MFHAS1: variants seen among roughly 807,000 people sequenced by gnomAD.
MFHAS1 encodes malignant fibrous histiocytoma-amplified sequence 1.
Under a neutral mutation model 70.4 loss-of-function variants are expected in MFHAS1, and 50 were observed. The observed-to-expected ratio is 0.71, with a 90% CI of 0.57 to 0.90. The LOEUF (loss-of-function observed/expected upper bound fraction) is 0.90, where lower values mean the gene tolerates loss of function less well. MFHAS1 is among the 40% of genes least tolerant of loss of function. MFHAS1 has a pLI of 0.00. For synonymous variants in MFHAS1, 952 were observed against 620.0 expected (o/e 1.54, Z -7.96); for missense variants, 1,795 against 1,347.6 (o/e 1.33, Z -5.20).
At chr8:8,803,611 G>A (rs1806162834) in intron 1 of MFHAS1, among the ~76,000 whole-genome samples, 2 of 150,490 alleles carry the variant, frequency 1.3e-5, no homozygotes, top group Admixed American at 1.3e-4. Flanking sequence ...AAACAAAATA[G>A]TATAACAACT....
chr8:8,815,906 G>C (rs1451451742), intron 1 of MFHAS1, among the ~76,000 whole-genome samples: 1 of 152,196 alleles, frequency 6.6e-6, no homozygotes, highest in Non-Finnish European at 1.5e-5. Flanking sequence ...AGGAATACAA[G>C]TGTCCGTTAA....
At chr8:8,796,046 T>C (rs1215102610) in intron 2 of MFHAS1, among the ~76,000 whole-genome samples, 2 of 152,150 alleles carry the variant, frequency 1.3e-5, no homozygotes, top group Admixed American at 6.5e-5. Context: ...GTAACAGGCA[T>C]TTCATCTCAG....
At chr8:8,806,960 C>CA (rs377467491) in intron 1 of MFHAS1, among the ~76,000 whole-genome samples, 4,503 of 139,222 alleles carry the variant, frequency 0.032, 230 homozygotes, top group African/African-American at 0.11. Context: ...GACTCTGTCT[C>CA]AAAAAAAAAA....
intron 1 of MFHAS1, among the ~76,000 whole-genome samples, chr8:8,885,599 C>A (rs1809722926): frequency 6.6e-6 from 1 of 152,140 alleles, no homozygotes; most frequent in African/African-American, 2.4e-5. Context: ...TGCTCTAAGA[C>A]AAGTATACAG....
At chr8:8,845,170 A>T (rs1465369658) in intron 1 of MFHAS1, among the ~76,000 whole-genome samples, 1 of 152,224 alleles carries the variant, frequency 6.6e-6, no homozygotes, top group Non-Finnish European at 1.5e-5. Context: ...TGGATTTTTT[A>T]TGTTCTGCTT....
intron 1 of MFHAS1, among the ~76,000 whole-genome samples, chr8:8,862,921 C>T (rs907869089): frequency 6.6e-6 from 1 of 152,132 alleles, no homozygotes; most frequent in Non-Finnish European, 1.5e-5. Flanking sequence ...AATCTTTGCC[C>T]GTCTGAAGGT....
At chr8:8,820,210 C>G (rs897486291) in intron 1 of MFHAS1, among the ~76,000 whole-genome samples, 1 of 151,880 alleles carries the variant, frequency 6.6e-6, no homozygotes, top group Admixed American at 6.6e-5. Flanking sequence ...CCCTTACTCC[C>G]CCTTCCCAAG....
chr8:8,872,938 C>T lies in MFHAS1; in HGVS notation c.2998+17123G>A, dbSNP rs79872917. 3.3e-5 allele frequency among the ~76,000 whole-genome samples: 5 copies of T among 152,268 alleles called. No individual in the cohort carries two copies. In the East Asian group the frequency reaches 7.7e-4, roughly 23 times the overall value. On this transcript the variant is annotated intron_variant, in intron 1 of 2. Coordinates refer to ENST00000276282, the MANE Select transcript of MFHAS1 (RefSeq NM_004225.3). ...CCATCCCAGACAGGCAGCAGAACATCGTGCAAGAGTGAGACGGAGACAACC... is the reference window on the plus strand; with the variant it reads ...CCATCCCAGACAGGCAGCAGAACATTGTGCAAGAGTGAGACGGAGACAACC...
chr8:8,793,690 T>C (rs1479692335), intron 2 of MFHAS1, among the ~76,000 whole-genome samples: 3 of 152,220 alleles, frequency 2.0e-5, no homozygotes, highest in African/African-American at 7.2e-5. Flanking sequence ...GTTTTGCCTT[T>C]GTGCTGCAGA....
chr8:8,795,040 C>T (rs906273605), intron 2 of MFHAS1, among the ~76,000 whole-genome samples: 14 of 152,178 alleles, frequency 9.2e-5, no homozygotes, highest in South Asian at 4.1e-4. Flanking sequence ...CTACCTCTAT[C>T]GCACCTATTC....
In MFHAS1 at chr8:8,892,114, G is replaced by C. The variant is rs1292957283; in HGVS notation, c.945C>G (p.Ile315Met). The C allele has an allele frequency of 1.2e-6, 2 of 1,612,994 alleles. No individual in the cohort carries two copies. Among genetic ancestry groups the C allele is most frequent in the South Asian group, 2.2e-5 (2 of 91,080 alleles). Residue 315 changes from isoleucine to methionine, a missense_variant, in exon 1 of 3, where the codon ATC (isoleucine) becomes ATG (methionine). Physicochemically the swap from Ile to Met is conservative, Grantham distance 10 (BLOSUM62 1). Coordinates refer to ENST00000276282, the MANE Select transcript of MFHAS1 (RefSeq NM_004225.3). This position sits in a 1 kb window ranked among gnomAD's most constrained non-coding sequence, Gnocchi z 4.7. ...AGGTGAGAAGCCGGCCCAGGCCCGA[G>C]ATAAGGGATGGCACCGAGGTGAGCT... ...RNQLTSVPSLISGLGRLLTLW... is the reference protein window; with the variant it reads ...RNQLTSVPSLMSGLGRLLTLW...
At chr8:8,873,153 G>T (rs1335108444) in intron 1 of MFHAS1, among the ~76,000 whole-genome samples, 1 of 152,164 alleles carries the variant, frequency 6.6e-6, no homozygotes, top group East Asian at 1.9e-4. Flanking sequence ...TCTATTTTTA[G>T]TTCTTCCACA....
At position 8,785,731 on chromosome 8, in the gene MFHAS1, A is replaced by C; in HGVS notation, c.*291T>G. 2 of 377,692 alleles carry C rather than the reference A, an allele frequency of 5.3e-6. No individual in the cohort carries two copies. The highest frequency in any genetic ancestry group is 4.3e-5 in the East Asian group (1 of 23,022). The allele number at this position is 377,692 out of a possible 1,614,324, so 23.4% of individuals were successfully genotyped here. A position where few individuals can be genotyped will look rare whatever the true frequency, so the allele number is the denominator to read the frequency against. ...CGGAAAACAAAATCCCTGAGAAGCC[A>C]TTCGACTTTTTTTTTTTTTTTTTCT... On this transcript the variant is annotated 3_prime_UTR_variant, in exon 3 of 3. Coordinates refer to ENST00000276282, the MANE Select transcript of MFHAS1 (RefSeq NM_004225.3).
rs764300346 is a variant in MFHAS1, at chr8:8,890,854, G to A, written c.2205C>T (p.Asp735=). 8 of 1,614,228 alleles carry A rather than the reference G, an allele frequency of 5.0e-6. No homozygotes were observed. Among genetic ancestry groups the A allele is most frequent in the Admixed American group, 3.3e-5 (2 of 60,038 alleles). Residue 735 remains aspartate, a synonymous_variant, in exon 1 of 3, where the codon GAC becomes GAT. Transcript: ENST00000276282. ...HVFHNLTRLI[D]ILNVFFQRDP... ...CCCTCTGGAAGAAGACATTGAGGAT[G>A]TCGATGAGGCGGGTGAGGTTGTGGA...
chr8:8,789,394 C>G (rs979311265), intron 2 of MFHAS1, among the ~76,000 whole-genome samples: 15 of 152,164 alleles, frequency 9.9e-5, no homozygotes, highest in African/African-American at 3.6e-4. Context: ...AGCTGTACAC[C>G]TGTGAAGCCT....
At chr8:8,813,526 T>C (rs535838127) in intron 1 of MFHAS1, among the ~76,000 whole-genome samples, 1 of 152,312 alleles carries the variant, frequency 6.6e-6, no homozygotes, top group South Asian at 2.1e-4. Context: ...TGACCCTGTG[T>C]AGGCCTGAGC....
intron 1 of MFHAS1, among the ~76,000 whole-genome samples, chr8:8,815,882 A>T (rs1426170786): frequency 6.6e-6 from 1 of 152,090 alleles, no homozygotes; most frequent in Non-Finnish European, 1.5e-5. Flanking sequence ...AAAAGTAGAA[A>T]CTCCCTCATT....
intron 2 of MFHAS1, among the ~76,000 whole-genome samples, chr8:8,796,671 A>G (rs10112559): frequency 0.69 from 49,862 of 72,586 alleles, 16,491 homozygotes; most frequent in East Asian, 0.84. Flanking sequence ...GCGACAGAGC[A>G]AGACTCCGTC....
Position 8,808,307 on chromosome 8 carries a change from C to T in MFHAS1, c.2999-10816G>A, listed in dbSNP as rs549204602. ...CTGCCCAGTGTCCCCACACTGTAGA[C>T]GCTCCCCTGGGAACCCTCCTCTGCC... On this transcript the variant is annotated intron_variant, in intron 1 of 2. Coordinates refer to ENST00000276282, the MANE Select transcript of MFHAS1 (RefSeq NM_004225.3). Among the ~76,000 whole-genome samples, 4 of 152,198 alleles carry T rather than the reference C, an allele frequency of 2.6e-5. 1 individual carries two copies. The highest frequency in any genetic ancestry group is 7.2e-5 in the African/African-American group (3 of 41,540).
Sources: allele counts gnomAD v4.1 joint callset (sites outside exome capture counted in the v4.1 genomes callset), GRCh38; gene constraint gnomAD v4.1.1; non-coding constraint Gnocchi (gnomAD v3.1); transcripts MANE v1.5; gene names NCBI Gene and HGNC (gene_info 2026-07-23, HGNC 2026-07-21).